Variants in DCTPP1 observed in about 807,000 individuals in gnomAD.
DCTPP1 encodes the protein XTP3-transactivated gene A protein.
A neutral mutation model predicts 8.8 loss-of-function variants in DCTPP1; 8 were observed. That is an observed-to-expected ratio of 0.91 (90% CI 0.54 to 1.64). The LOEUF is 1.64. Among genes scored for constraint, DCTPP1 ranks in the 40% most tolerant of loss-of-function variants. The pLI is 0.00. For missense variants in DCTPP1, 231 were observed against 230.4 expected (o/e 1.00, Z -0.02); for synonymous variants, 85 against 92.1 (o/e 0.92, Z 0.44).
chr16:30,429,499 C>T (rs1346781884), intron 1 of DCTPP1: 4 of 418,248 alleles, frequency 9.6e-6, no homozygotes, highest in Admixed American at 4.3e-5. Flanking sequence ...GGTAGTTCCA[C>T]AGACCCTTCC....
chr16:30,423,629 A>G lies in DCTPP1; in HGVS notation c.*604T>C, dbSNP rs1207670459. 3 of 152,142 alleles carry G rather than the reference A, an allele frequency of 2.0e-5. No homozygotes were observed. Among genetic ancestry groups the G allele is most frequent in the Non-Finnish European group, 2.9e-5 (2 of 68,114 alleles). 9.4% of individuals were successfully genotyped at this position (152,142 alleles called of 1,614,324 possible). On this transcript the variant is annotated 3_prime_UTR_variant, in exon 3 of 3. Transcript: ENST00000319285. ...ATAACAGTAACTGCAAAACTTACCA[A>G]GTGTACTTTACTATGTGCCAGGCCC...
intron 2 of DCTPP1, among the ~76,000 whole-genome samples, chr16:30,425,741 C>T (rs1597036853): frequency 6.6e-6 from 1 of 152,220 alleles, no homozygotes; most frequent in East Asian, 1.9e-4. Flanking sequence ...CGCTTGAACC[C>T]GGGAGGCGGA....
At chr16:30,425,977 C>T (rs1035056039) in intron 2 of DCTPP1, among the ~76,000 whole-genome samples, 1 of 152,208 alleles carries the variant, frequency 6.6e-6, no homozygotes, top group African/African-American at 2.4e-5. Context: ...CACTGCCCCC[C>T]ACTCTCACTC....
At position 30,429,174 on chromosome 16, in the gene DCTPP1, T is replaced by C. The variant is rs756906562; in HGVS notation, c.102-7A>G. 4 of 1,613,884 alleles carry C rather than the reference T, an allele frequency of 2.5e-6. No individual in the cohort carries two copies. The highest frequency in any genetic ancestry group is 2.5e-6 in the Non-Finnish European group (3 of 1,179,938). On this transcript the variant is annotated splice_region_variant and splice_polypyrimidine_tract_variant and intron_variant, in intron 1 of 2. Transcript: ENST00000319285. ...CTCAGCATGGAGGCGGCGGCTGAAA[T>C]AGGACAAAGGAGTGTAAGTCCAAGT...
In DCTPP1 at chr16:30,429,187, T is replaced by C. The variant is rs181156575; in HGVS notation, c.102-20A>G. On this transcript the variant is annotated intron_variant, in intron 1 of 2. Transcript: ENST00000319285. ...CGGCGGCTGAAATAGGACAAAGGAGTGTAAGTCCAAGTCTCCGGGTTAGAG... is the reference window on the plus strand; with the variant it reads ...CGGCGGCTGAAATAGGACAAAGGAGCGTAAGTCCAAGTCTCCGGGTTAGAG... 8.2e-5 allele frequency: 132 copies of C among 1,612,502 alleles called. No homozygotes were observed. In the East Asian group the frequency reaches 2.8e-3, roughly 35 times the overall value.
intron 1 of DCTPP1, 165 bp from the exon 2 acceptor site, chr16:30,429,332 G>A (rs753237536): frequency 3.2e-6 from 2 of 627,280 alleles, no homozygotes. Context: ...TCCGGAACTT[G>A]GTTCCCTCAT....
chr16:30,430,026 C>T lies in DCTPP1; in HGVS notation c.-46G>A. On this transcript the variant is annotated 5_prime_UTR_variant, in exon 1 of 3. It adds an upstream start codon to the 5' untranslated region. Transcript: ENST00000319285. ...GACTTCACGGAAAACCCACGAGCCA[C>T]GCTCGAAGCCCCGCCTCCAGAGCTC... 2 of 1,405,728 alleles carry T rather than the reference C, an allele frequency of 1.4e-6. No homozygotes were observed. The highest frequency in any genetic ancestry group is 1.5e-5 in the South Asian group (1 of 65,852). The allele number at this position is 1,405,728 out of a possible 1,614,324, so 87.1% of individuals were successfully genotyped here.
At position 30,430,004 on chromosome 16, in the gene DCTPP1, T is replaced by C; in HGVS notation, c.-24A>G. 2 of 1,462,952 alleles carry C rather than the reference T, an allele frequency of 1.4e-6. No individual in the cohort carries two copies. The highest frequency in any genetic ancestry group is 1.8e-6 in the Non-Finnish European group (2 of 1,106,080). The allele number at this position is 1,462,952 out of a possible 1,614,324, so 90.6% of individuals were successfully genotyped here. ...ATGCCGCCCACCGCTGCACCGCGAC[T>C]TCACGGAAAACCCACGAGCCACGCT... On this transcript the variant is annotated 5_prime_UTR_variant, in exon 1 of 3. Transcript: ENST00000319285.
Position 30,424,529 on chromosome 16 carries a change from A to G in DCTPP1, c.217T>C (p.Trp73Arg). Residue 73 changes from tryptophan to arginine, a missense_variant, in exon 3 of 3, where the codon TGG becomes CGG. Physicochemically the swap from Trp to Arg is moderately radical, Grantham distance 101. Coordinates refer to ENST00000319285, the MANE Select transcript of DCTPP1 (RefSeq NM_024096.2). ...EVGELAELFQ[W>R]KTDGEPGPQG... Reference sequence around the variant, plus strand: ...GGGCCAGGTTCCCCATCGGTTTTCCACTGACTAGGGGCAGAACACAGACAG... The same window carrying G: ...GGGCCAGGTTCCCCATCGGTTTTCCGCTGACTAGGGGCAGAACACAGACAG... 6.2e-7 allele frequency: 1 copy of G among 1,613,358 alleles called. No individual in the cohort carries two copies. The highest frequency in any genetic ancestry group is 8.5e-7 in the Non-Finnish European group (1 of 1,179,926).
chr16:30,427,366 G>C (rs1321532852), intron 2 of DCTPP1, among the ~76,000 whole-genome samples: 2 of 150,936 alleles, frequency 1.3e-5, no homozygotes, highest in Non-Finnish European at 2.9e-5. Flanking sequence ...AGGCTGGAGT[G>C]CCATGGTGTG....
chr16:30,425,949 G>A (rs1021229484), intron 2 of DCTPP1, among the ~76,000 whole-genome samples: 4 of 152,146 alleles, frequency 2.6e-5, no homozygotes, highest in Admixed American at 6.5e-5. Flanking sequence ...ATGGGCTGAC[G>A]CCTGCCTTTT....
Position 30,429,162 on chromosome 16 carries a change from C to T in DCTPP1, c.107G>A (p.Arg36His), listed in dbSNP as rs897492409. The T allele has an allele frequency of 4.3e-6, 7 of 1,613,848 alleles. No homozygotes were observed. The highest frequency in any genetic ancestry group is 3.3e-5 in the Admixed American group (2 of 59,946). ...TTCCGCAGCAAACTCAGCATGGAGG[C>T]GGCGGCTGAAATAGGACAAAGGAGT... is the stretch of plus-strand genomic sequence containing the variant. ...SPEPTLEDIR[R>H]LHAEFAAERD... The change falls in exon 2 of 3, where the codon CGC (arginine) becomes CAC (histidine). Residue 36 changes from arginine to histidine, a missense_variant. By Grantham distance (29) the Arg-to-His change is conservative (BLOSUM62 0). Coordinates refer to ENST00000319285, the MANE Select transcript of DCTPP1 (RefSeq NM_024096.2).
chr16:30,427,218 G>A (rs1347924995), intron 2 of DCTPP1, among the ~76,000 whole-genome samples: 1 of 148,178 alleles, frequency 6.7e-6, no homozygotes, highest in Non-Finnish European at 1.5e-5. Context: ...CACCGTGTTA[G>A]CCAGGATGGT....
chr16:30,429,220 C>G, intron 1 of DCTPP1, 53 bp from the exon 2 acceptor site: 1 of 1,596,952 alleles, frequency 6.3e-7, no homozygotes, highest in Non-Finnish European at 8.6e-7. Flanking sequence ...GAGGGTGATG[C>G]AGGGGCCAGA....
At chr16:30,427,946 G>T (rs2050203294) in intron 2 of DCTPP1, among the ~76,000 whole-genome samples, 1 of 152,188 alleles carries the variant, frequency 6.6e-6, no homozygotes, top group Admixed American at 6.5e-5. Flanking sequence ...AGTGAGCTAT[G>T]ATCACACCAG....
rs189674833 is a variant in DCTPP1 at position 30,424,974 on chromosome 16, G to A, written c.213-441C>T. On this transcript the variant is annotated intron_variant, in intron 2 of 2. Transcript: ENST00000319285. ...GGCGATACTGCAACCTCCGCCTCCC[G>A]GGTTCAAGCGATTCTCCTGCCTCCG... 2.1e-4 allele frequency among the ~76,000 whole-genome samples: 32 copies of A among 152,332 alleles called. No individual in the cohort carries two copies. The East Asian group carries it at 4.8e-3, about 23-fold the overall frequency.
chr16:30,423,933 A>C lies in DCTPP1; in HGVS notation c.*300T>G, dbSNP rs957431908. The C allele has an allele frequency of 8.4e-6, 3 of 358,842 alleles. No homozygotes were observed. Among genetic ancestry groups the C allele is most frequent in the African/African-American group, 2.1e-5 (1 of 47,940 alleles). The allele number at this position is 358,842 out of a possible 1,614,324, so 22.2% of individuals were successfully genotyped here. A position where few individuals can be genotyped will look rare whatever the true frequency, so the allele number is the denominator to read the frequency against. The stretch of plus-strand genomic sequence containing the variant: ...TCTCTCTGCCCTGCAGGCAAAAGGT[A>C]CAACAGGGAAACACGAGAATGGGTC... On this transcript the variant is annotated 3_prime_UTR_variant, in exon 3 of 3. Coordinates refer to ENST00000319285, the MANE Select transcript of DCTPP1 (RefSeq NM_024096.2).
intron 2 of DCTPP1, among the ~76,000 whole-genome samples, chr16:30,428,627 A>G (rs1007895200): frequency 1.3e-5 from 2 of 152,036 alleles, no homozygotes; most frequent in Admixed American, 6.6e-5. Context: ...AAAATTAGCC[A>G]GGCGTGGTGG....
chr16:30,428,175 T>C (rs2151129288), intron 2 of DCTPP1, among the ~76,000 whole-genome samples: 1 of 152,268 alleles, frequency 6.6e-6, no homozygotes, highest in East Asian at 1.9e-4. Context: ...CATCATACTC[T>C]AGCCCTAATC....
Sources: gnomAD v4.1 joint callset for allele counts (sites outside exome capture counted in the v4.1 genomes callset) on GRCh38, gnomAD v4.1.1 for gene constraint, MANE v1.5 for transcripts, NCBI Gene and HGNC (gene_info 2026-07-23, HGNC 2026-07-21) for gene names.